Variants in CD209 observed in about 807,000 individuals in gnomAD.
CD209 encodes the protein CD209 antigen.
Under a neutral mutation model 44.7 loss-of-function variants are expected in CD209, and 31 were observed. The ratio of observed to expected loss-of-function variants is 0.69; its 90% CI spans 0.52 to 0.94. The LOEUF (loss-of-function observed/expected upper bound fraction) is 0.94, where lower values mean the gene tolerates loss of function less well. CD209 is among the 40% of genes least tolerant of loss of function. The pLI, the probability that CD209 is intolerant of heterozygous loss-of-function variation, is 0.00. For missense variants in CD209, 407 were observed against 452.4 expected (o/e 0.90, Z 0.91); for synonymous variants, 173 against 181.3 (o/e 0.95, Z 0.37).
In CD209 at chr19:7,747,230, C is replaced by T. The variant is rs887523418; in HGVS notation, c.106+76G>A. The T allele has an allele frequency of 8.9e-5, 132 of 1,487,452 alleles. No homozygotes were observed. In the African/African-American group the frequency reaches 1.7e-3, roughly 19 times the overall value. The allele number at this position is 1,487,452 out of a possible 1,614,324, so 92.1% of individuals were successfully genotyped here. A position where few individuals can be genotyped will look rare whatever the true frequency, so the allele number is the denominator to read the frequency against. ...TCCCCAGGACCCAAGAGTCCAGGCCCCAGCGTCCAGCTCCTCAGGACCCAG... is the reference window on the plus strand; with the variant it reads ...TCCCCAGGACCCAAGAGTCCAGGCCTCAGCGTCCAGCTCCTCAGGACCCAG... On this transcript the variant is annotated intron_variant, in intron 2 of 6. Transcript: ENST00000315599.
At position 7,741,358 on chromosome 19, in the gene CD209, G is replaced by A. The variant is rs772896241; in HGVS notation, c.*1681C>T. 1.1e-5 allele frequency: 4 copies of A among 358,474 alleles called. No individual in the cohort carries two copies. The highest frequency in any genetic ancestry group is 4.3e-5 in the African/African-American group (2 of 46,884). 22.2% of individuals were successfully genotyped at this position (358,474 alleles called of 1,614,324 possible). Reference sequence around the variant, plus strand: ...AGTGGTGCACGCCCAGCTAATTTTTGTACTTTTAGTGGAGTCCCAGCTACT... The same window carrying A: ...AGTGGTGCACGCCCAGCTAATTTTTATACTTTTAGTGGAGTCCCAGCTACT... On this transcript the variant is annotated 3_prime_UTR_variant, in exon 7 of 7. Transcript: ENST00000315599.
chr19:7,746,030 T>C lies in CD209; in HGVS notation c.236A>G (p.Gln79Arg). Residue 79 changes from glutamine to arginine, a missense_variant, in exon 4 of 7, where the codon CAG becomes CGG. Around this residue, in one of 3 missense-constraint regions of CD209, gnomAD observed 122 missense variants for 110.3 expected, o/e 1.11. Transcript: ENST00000315599. ...QEQSRQDAIY[Q>R]NLTQLKAAVG... ...TGCAGCTTTAAGCTGGGTCAGGTTC[T>C]GGTAGATCGCGTCTTGCCTGGATTG... 1.6e-5 allele frequency: 26 copies of C among 1,614,278 alleles called. No homozygotes were observed. The highest frequency in any genetic ancestry group is 2.0e-5 in the Non-Finnish European group (24 of 1,180,044).
chr19:7,743,071 C>A lies in CD209; in HGVS notation c.1183G>T (p.Ala395Ser), dbSNP rs1309107140. The A allele has an allele frequency of 1.2e-6, 2 of 1,613,760 alleles. No individual in the cohort carries two copies. The highest frequency in any genetic ancestry group is 1.3e-5 in the African/African-American group (1 of 75,008). Residue 395 changes from alanine (A) to serine (S), a missense_variant, in exon 7 of 7, where the codon GCC (alanine) becomes TCC (serine). By Grantham distance (99) the Ala-to-Ser change is moderately conservative. This residue lies in a region of CD209 where 200 missense variants were observed against 202.2 expected (regional missense o/e 0.99). Transcript: ENST00000315599. ...SRDEEQFLSPAPATPNPPPA is the reference protein window; with the variant it reads ...SRDEEQFLSPSPATPNPPPA ...GGAGGGGGGTTTGGGGTGGCAGGGG[C>A]TGGAGAAAGAAACTGTTCTTCATCC...
rs528884293 is a variant in CD209, at chr19:7,742,989, G to T, written c.*50C>A. On this transcript the variant is annotated 3_prime_UTR_variant, in exon 7 of 7. Coordinates refer to ENST00000315599, the MANE Select transcript of CD209 (RefSeq NM_021155.4). ...GAACAGTCCCAGAGATTTTGTGAAG[G>T]TCGAAGGATGGAGAGAAGGAACTGT... The T allele has an allele frequency of 3.6e-6, 5 of 1,403,260 alleles. No homozygotes were observed. Among genetic ancestry groups the T allele is most frequent in the Non-Finnish European group, 5.0e-6 (5 of 990,636 alleles). 86.9% of individuals were successfully genotyped at this position (1,403,260 alleles called of 1,614,324 possible). A position where few individuals can be genotyped will look rare whatever the true frequency, so the allele number is the denominator to read the frequency against.
intron 6 of CD209, 32 bp downstream of exon 6, chr19:7,744,075 C>T (rs762083998): frequency 5.3e-6 from 8 of 1,518,166 alleles, no homozygotes; most frequent in Non-Finnish European, 6.4e-6. Context: ...AATTCCAGCC[C>T]CAGTGGATAG....
Position 7,740,327 on chromosome 19 carries a change from C to G in CD209, c.*2712G>C. 1 of 506,820 alleles carries G rather than the reference C, an allele frequency of 2.0e-6. No individual in the cohort carries two copies. The highest frequency in any genetic ancestry group is 2.0e-5 in the African/African-American group (1 of 51,048). The allele number at this position is 506,820 out of a possible 1,614,324, so 31.4% of individuals were successfully genotyped here. On this transcript the variant is annotated 3_prime_UTR_variant, in exon 7 of 7. Transcript: ENST00000315599. ...GTATGTAACTTGCAACCTGGGGGTC[C>G]ACGACAACTGAAAAACAACTCGCCA...
rs2033678456 is a variant in CD209 at position 7,743,309 on chromosome 19, T to A, written c.1014-69A>T. 1.6e-5 allele frequency: 22 copies of A among 1,338,268 alleles called. No homozygotes were observed. The South Asian group carries it at 2.6e-4, about 16-fold the overall frequency. The allele number at this position is 1,338,268 out of a possible 1,614,324, so 82.9% of individuals were successfully genotyped here. A position where few individuals can be genotyped will look rare whatever the true frequency, so the allele number is the denominator to read the frequency against. ...ACATGAGCTGTGTTTCTACCTTCTGTCATCTTGATGCCTTAACATCTGCCC... is the reference window on the plus strand; with the variant it reads ...ACATGAGCTGTGTTTCTACCTTCTGACATCTTGATGCCTTAACATCTGCCC... On this transcript the variant is annotated intron_variant, in intron 6 of 6. Transcript: ENST00000315599.
chr19:7,740,930 TC>T lies in CD209; in HGVS notation c.*2108del. On this transcript the variant is annotated 3_prime_UTR_variant, in exon 7 of 7. Coordinates refer to ENST00000315599, the MANE Select transcript of CD209 (RefSeq NM_021155.4). Reference sequence around the variant, plus strand: ...CGGAACCCCCCCTTGGATTTCAGAGTCATGGAGAAGGATGGAGTTAATTGTC... The same window carrying T: ...CGGAACCCCCCCTTGGATTTCAGAGTATGGAGAAGGATGGAGTTAATTGTC... The T allele has an allele frequency of 1.4e-6, 1 of 724,830 alleles. No individual in the cohort carries two copies. The highest frequency in any genetic ancestry group is 1.5e-5 in the South Asian group (1 of 65,714). 44.9% of individuals were successfully genotyped at this position (724,830 alleles called of 1,614,324 possible).
Position 7,745,506 on chromosome 19 carries a change from C to G in CD209, c.748+12G>C, listed in dbSNP as rs1277621953. Reference sequence around the variant, plus strand: ...ATCTCAGGCCCAAGAAGCCCTGGTTCCAGATACTCACCCACTGCAGCCTTC... The same window carrying G: ...ATCTCAGGCCCAAGAAGCCCTGGTTGCAGATACTCACCCACTGCAGCCTTC... On this transcript the variant is annotated intron_variant, in intron 4 of 6. Coordinates refer to ENST00000315599, the MANE Select transcript of CD209 (RefSeq NM_021155.4). The G allele has an allele frequency of 1.9e-6, 3 of 1,612,410 alleles. No homozygotes were observed. In the South Asian group the frequency reaches 3.3e-5, roughly 18 times the overall value.
intron 4 of CD209, 62 bp downstream of exon 4, chr19:7,745,456 A>C (rs2033774515): frequency 1.2e-6 from 2 of 1,611,400 alleles, no homozygotes. Flanking sequence ...CAGTGACTCA[A>C]GCAAACTCAC....
Position 7,745,542 on chromosome 19 carries a change from G to A in CD209, c.724C>T (p.Leu242=), listed in dbSNP as rs11465380. Residue 242 remains leucine (L), a synonymous_variant, in exon 4 of 7, where the codon CTG becomes TTG. Coordinates refer to ENST00000315599, the MANE Select transcript of CD209 (RefSeq NM_021155.4). ...CCCACTGCAGCCTTCAGCTGGGTCA[G>A]CTCCTGGTAGATCTCCTGCTGCTTA... ...KSKQQEIYQE[L]TQLKAAVERL... 3.1e-6 allele frequency: 5 copies of A among 1,608,880 alleles called. No homozygotes were observed. The Admixed American group carries it at 5.0e-5, about 16-fold the overall frequency.
intron 3 of CD209, 116 bp downstream of exon 3, chr19:7,746,344 A>G (rs2033822317): frequency 1.6e-6 from 2 of 1,220,126 alleles, no homozygotes; most frequent in South Asian, 1.3e-5. Context: ...ACAGACCCCC[A>G]GGGACAACAT....
chr19:7,741,192 C>G lies in CD209; in HGVS notation c.*1847G>C, dbSNP rs113936914. 4 of 851,778 alleles carry G rather than the reference C, an allele frequency of 4.7e-6. No homozygotes were observed. The highest frequency in any genetic ancestry group is 1.7e-5 in the African/African-American group (1 of 58,690). 52.8% of individuals were successfully genotyped at this position (851,778 alleles called of 1,614,324 possible). A position where few individuals can be genotyped will look rare whatever the true frequency, so the allele number is the denominator to read the frequency against. On this transcript the variant is annotated 3_prime_UTR_variant, in exon 7 of 7. Transcript: ENST00000315599. The stretch of plus-strand genomic sequence containing the variant: ...CCGAGTTCAAGAACGTGGGGAGAGA[C>G]TGGGCGCGGTGGCTCAGGCCTGTAA...
At position 7,745,062 on chromosome 19, in the gene CD209, C is replaced by T; in HGVS notation, c.779G>A (p.Trp260Ter). The T allele has an allele frequency of 6.2e-7, 1 of 1,614,222 alleles. No individual in the cohort carries two copies. The highest frequency in any genetic ancestry group is 8.5e-7 in the Non-Finnish European group (1 of 1,180,038). Residue 260 changes from tryptophan to a stop codon, truncating the protein, a stop_gained, in exon 5 of 7, where the codon TGG (tryptophan) becomes TAG (stop). Transcript: ENST00000315599. LOFTEE classifies it high-confidence loss of function. ...ERLCHPCPWEWTFFQGNCYFM... is the reference protein window; with the variant it reads ...ERLCHPCPWE ...GTAACAGTTTCCTTGGAAGAATGTC[C>T]ATTCCCAGGGACAGGGGTGGCACAG...
At chr19:7,743,663 T>G (rs2033693807) in intron 6 of CD209, among the ~76,000 whole-genome samples, 1 of 152,128 alleles carries the variant, frequency 6.6e-6, no homozygotes, top group Non-Finnish European at 1.5e-5. Flanking sequence ...TGACCTTTCC[T>G]TTCCACAGAA....
chr19:7,740,808 G>GCCCC lies in CD209; in HGVS notation c.*2230_*2231insGGGG. On this transcript the variant is annotated 3_prime_UTR_variant, in exon 7 of 7. Coordinates refer to ENST00000315599, the MANE Select transcript of CD209 (RefSeq NM_021155.4). ...GCAGAGGAAAGAGAGAGAGGAGGAG[G>GCCCC]AACAGAAACGACAGAAGAAACAAAA... is the stretch of plus-strand genomic sequence containing the variant. 1.6e-6 allele frequency: 1 copy of GCCCC among 639,952 alleles called. No individual in the cohort carries two copies. The allele number at this position is 639,952 out of a possible 1,614,324, so 39.6% of individuals were successfully genotyped here. A position where few individuals can be genotyped will look rare whatever the true frequency, so the allele number is the denominator to read the frequency against.
In CD209 at chr19:7,746,485, C is replaced by G. The variant is rs769960164; in HGVS notation, c.153G>C (p.Thr51=). ...GPLVLQLLSF[T]LLAGLLVQVS... ...CTTGGACAAGGAGCCCAGCCAAGAG[C>G]GTGAAGGAGAGGAGTTGCAGCACCA... The change falls in exon 3 of 7, where the codon ACG becomes ACC. Residue 51 remains threonine, a synonymous_variant. Transcript: ENST00000315599. 2 of 1,613,822 alleles carry G rather than the reference C, an allele frequency of 1.2e-6. No homozygotes were observed. The highest frequency in any genetic ancestry group is 2.2e-5 in the South Asian group (2 of 91,084).
Position 7,741,165 on chromosome 19 carries a change from G to C in CD209, c.*1874C>G. 1.0e-6 allele frequency: 1 copy of C among 1,003,290 alleles called. No individual in the cohort carries two copies. The highest frequency in any genetic ancestry group is 1.5e-6 in the Non-Finnish European group (1 of 682,094). 62.1% of individuals were successfully genotyped at this position (1,003,290 alleles called of 1,614,324 possible). On this transcript the variant is annotated 3_prime_UTR_variant, in exon 7 of 7. Transcript: ENST00000315599. ...TCCTAGATTTCTGTGAGGATGTGCT[G>C]CCCGAGTTCAAGAACGTGGGGAGAG...
At chr19:7,747,103 C>G (rs1181059681) in intron 2 of CD209, among the ~76,000 whole-genome samples, 1 of 151,922 alleles carries the variant, frequency 6.6e-6, no homozygotes, top group Non-Finnish European at 1.5e-5. Flanking sequence ...CTCCCCAGAA[C>G]CCAGGAGTCT....
Sources: gnomAD v4.1 joint callset for allele counts (sites outside exome capture counted in the v4.1 genomes callset) on GRCh38, gnomAD v4.1.1 for gene constraint, gnomAD v4.1.1 regional missense constraint, MANE v1.5 for transcripts, NCBI Gene and HGNC (gene_info 2026-07-23, HGNC 2026-07-21) for gene names.